OCA2: variants seen among roughly 807,000 people sequenced by gnomAD.
The protein encoded by OCA2 is P protein.
OCA2 carries 77 observed loss-of-function variants against 100.2 expected under a neutral mutation model. The ratio of observed to expected loss-of-function variants is 0.77; its 90% CI spans 0.64 to 0.93. OCA2 has a LOEUF of 0.93. OCA2 is among the 40% of genes least tolerant of loss of function. The pLI, the probability that OCA2 is intolerant of heterozygous loss-of-function variation, is 0.00. For synonymous variants in OCA2, 432 were observed against 439.2 expected, an observed-to-expected ratio of 0.98 and a Z score of 0.21; for missense variants, 1,062 against 1,089.1, an observed-to-expected ratio of 0.98 and a Z score of 0.35.
rs1313374068 is a variant in OCA2 at position 27,755,198 on chromosome 15, G to C, written c.*190C>G. 4 of 596,532 alleles carry C rather than the reference G, an allele frequency of 6.7e-6. No homozygotes were observed. The highest frequency in any genetic ancestry group is 1.8e-5 in the African/African-American group (1 of 54,510). The allele number at this position is 596,532 out of a possible 1,614,324, so 37.0% of individuals were successfully genotyped here. Reference sequence around the variant, plus strand: ...TCCTTGGGGAGAAAGGACACACAGAGGAGGTCATGGTGTTCCAACATTCGC... The same window carrying C: ...TCCTTGGGGAGAAAGGACACACAGACGAGGTCATGGTGTTCCAACATTCGC... On this transcript the variant is annotated 3_prime_UTR_variant, in exon 24 of 24. Transcript: ENST00000354638.
chr15:27,823,314 A>T (rs773668139), intron 23 of OCA2, among the ~76,000 whole-genome samples: 2 of 152,236 alleles, frequency 1.3e-5, no homozygotes, highest in Admixed American at 6.5e-5. Flanking sequence ...TTATATGCTA[A>T]TGAAGAAGAA....
chr15:27,778,606 A>C (rs1318112044), intron 23 of OCA2, among the ~76,000 whole-genome samples: 1 of 152,216 alleles, frequency 6.6e-6, no homozygotes, highest in African/African-American at 2.4e-5. Context: ...GAAAAAAAAA[A>C]AGATGTGGTC....
chr15:27,896,128 T>A, intron 19 of OCA2: 1 of 1,030,634 alleles, frequency 9.7e-7, no homozygotes, highest in Non-Finnish European at 1.5e-6. Context: ...ACCTGCTATA[T>A]GGATGCAGGC....
chr15:27,908,172 TAATA>T (rs2038249086), intron 19 of OCA2, among the ~76,000 whole-genome samples: 1 of 151,806 alleles, frequency 6.6e-6, no homozygotes, highest in Non-Finnish European at 1.5e-5. Context: ...ATTAAGAAAA[TAATA>T]AATCATAAAA....
At chr15:27,942,501 G>A (rs1026383097) in intron 18 of OCA2, among the ~76,000 whole-genome samples, 2 of 152,074 alleles carry the variant, frequency 1.3e-5, no homozygotes, top group Non-Finnish European at 1.5e-5. Flanking sequence ...CTGGGGGTTG[G>A]GGAAAGGGGG....
chr15:27,762,486 T>A (rs1057472597), intron 23 of OCA2, among the ~76,000 whole-genome samples: 3 of 152,210 alleles, frequency 2.0e-5, no homozygotes, highest in African/African-American at 7.2e-5. Context: ...AAGAGCAGAA[T>A]AATGAGCCAT....
At chr15:27,792,604 C>T (rs927848892) in intron 23 of OCA2, among the ~76,000 whole-genome samples, 4 of 152,182 alleles carry the variant, frequency 2.6e-5, no homozygotes, top group South Asian at 2.1e-4. Context: ...CTTTCCGAGA[C>T]GTGCACCCTC....
chr15:27,746,989 C>T, the OCA2 span, among the ~76,000 whole-genome samples: 1 of 152,196 alleles, frequency 6.6e-6, no homozygotes. Context: ...TCCCAATGAA[C>T]CTGTTTAAAT....
At chr15:27,968,900 A>G (rs1310753469) in intron 14 of OCA2, among the ~76,000 whole-genome samples, 1 of 152,000 alleles carries the variant, frequency 6.6e-6, no homozygotes, top group Non-Finnish European at 1.5e-5. Flanking sequence ...GTTTATCTCT[A>G]TAATTCATAC....
chr15:28,098,193 C>G (rs1324788509), intron 1 of OCA2, among the ~76,000 whole-genome samples: 1 of 152,238 alleles, frequency 6.6e-6, no homozygotes, highest in East Asian at 1.9e-4. Context: ...GTGAACTGCA[C>G]TCAAATTGTT....
the OCA2 span, among the ~76,000 whole-genome samples, chr15:27,724,590 G>A: frequency 2.0e-5 from 3 of 152,038 alleles, no homozygotes; most frequent in Non-Finnish European, 4.4e-5. Context: ...CTGACCCCAG[G>A]GGCTTCATGC....
At chr15:27,814,184 T>C (rs2034187897) in intron 23 of OCA2, among the ~76,000 whole-genome samples, 1 of 151,590 alleles carries the variant, frequency 6.6e-6, no homozygotes, top group African/African-American at 2.4e-5. Context: ...CTAACCAACC[T>C]CTCTTCAATC....
intron 21 of OCA2, among the ~76,000 whole-genome samples, chr15:27,862,234 T>C (rs2036162339): frequency 6.6e-6 from 1 of 151,350 alleles, no homozygotes; most frequent in African/African-American, 2.4e-5. Flanking sequence ...GAAAGCATGG[T>C]CGTCAGCCTC....
chr15:27,808,843 G>A (rs1286301152), intron 23 of OCA2, among the ~76,000 whole-genome samples: 3 of 152,192 alleles, frequency 2.0e-5, no homozygotes, highest in African/African-American at 7.2e-5. Flanking sequence ...GCTGGCCTAT[G>A]TGTTGGCCAC....
intron 3 of OCA2, among the ~76,000 whole-genome samples, chr15:28,030,947 A>G (rs1362681274): frequency 6.6e-6 from 1 of 152,196 alleles, no homozygotes; most frequent in African/African-American, 2.4e-5. Context: ...GTAAAAGACT[A>G]CCGGGCACGA....
chr15:27,904,016 A>G (rs1164912130), intron 19 of OCA2, among the ~76,000 whole-genome samples: 4 of 152,216 alleles, frequency 2.6e-5, no homozygotes, highest in African/African-American at 9.6e-5. Flanking sequence ...CTATTTGTCA[A>G]GAAAACATTA....
At chr15:27,747,802 T>G in the OCA2 span, among the ~76,000 whole-genome samples, 3 of 152,122 alleles carry the variant, frequency 2.0e-5, no homozygotes, top group Non-Finnish European at 2.9e-5. Flanking sequence ...CAACAGCAAA[T>G]GAGAATTTTG....
chr15:28,083,094 G>A (rs2044704062), intron 1 of OCA2, among the ~76,000 whole-genome samples: 2 of 152,210 alleles, frequency 1.3e-5, no homozygotes, highest in South Asian at 4.1e-4. Flanking sequence ...TGGGGCTGGA[G>A]TTAGCACAGT....
the OCA2 span, among the ~76,000 whole-genome samples, chr15:27,732,693 C>T: frequency 5.9e-5 from 9 of 152,270 alleles, no homozygotes; most frequent in East Asian, 1.7e-3. Context: ...TCCAAGGTGG[C>T]CCTGTGATAG....
Sources: gnomAD v4.1 joint callset for allele counts (sites outside exome capture counted in the v4.1 genomes callset) on GRCh38, gnomAD v4.1.1 for gene constraint, MANE v1.5 for transcripts, NCBI Gene and HGNC (gene_info 2026-07-23, HGNC 2026-07-21) for gene names.